The following SHTN1 variants were observed in gnomAD, a reference collection of about 807,000 sequenced individuals.
The protein encoded by SHTN1 is shootin-1.
SHTN1 carries 42 observed loss-of-function variants against 83.1 expected under a neutral mutation model. The observed-to-expected ratio is 0.51, with a 90% CI of 0.39 to 0.65. SHTN1 has a LOEUF of 0.65. SHTN1 is among the 30% of genes least tolerant of loss of function. SHTN1 has a pLI of 0.00. For synonymous variants in SHTN1, 224 were observed against 247.7 expected, an observed-to-expected ratio of 0.90 and a Z score of 0.90; for missense variants, 622 against 737.8, an observed-to-expected ratio of 0.84 and a Z score of 1.82.
chr10:116,888,015 G>A (rs1847218750), intron 16 of SHTN1, among the ~76,000 whole-genome samples: 3 of 152,170 alleles, frequency 2.0e-5, no homozygotes, highest in Non-Finnish European at 1.5e-5. Context: ...TGTAAGATCT[G>A]TCCAAATGTT....
At chr10:117,064,742 G>A (rs1046873533) in intron 1 of SHTN1, among the ~76,000 whole-genome samples, 9 of 151,562 alleles carry the variant, frequency 5.9e-5, no homozygotes, top group Admixed American at 5.9e-4. Context: ...CACCATTATT[G>A]CCCAAAGTCC....
chr10:116,968,118 G>A (rs1405164188), intron 3 of SHTN1, among the ~76,000 whole-genome samples: 6 of 152,152 alleles, frequency 3.9e-5, no homozygotes, highest in African/African-American at 1.2e-4. Context: ...GGAGGTGGAG[G>A]TTGCAGTAAG....
At chr10:117,006,779 C>T (rs1187845156), upstream of SHTN1, among the ~76,000 whole-genome samples, 1 of 151,894 alleles carries the variant, frequency 6.6e-6, no homozygotes, top group Non-Finnish European at 1.5e-5. Context: ...TCCTCAATTG[C>T]TGTTTTATGG....
Position 116,886,151 on chromosome 10 carries a change from C to A in SHTN1, c.*193G>T. 1 of 761,420 alleles carries A rather than the reference C, an allele frequency of 1.3e-6. No homozygotes were observed. Among genetic ancestry groups the A allele is most frequent in the Non-Finnish European group, 2.0e-6 (1 of 492,328 alleles). The allele number at this position is 761,420 out of a possible 1,614,324, so 47.2% of individuals were successfully genotyped here. The stretch of plus-strand genomic sequence containing the variant: ...ATAAAGATCAAAAAACCAAAACCTA[C>A]TAGGAATGTGTGTTTTGCTAAACAG... On this transcript the variant is annotated 3_prime_UTR_variant, in exon 17 of 17. Coordinates refer to ENST00000355371, the MANE Select transcript of SHTN1 (RefSeq NM_001127211.3).
chr10:116,954,224 TA>T lies in SHTN1; in HGVS notation c.268-15del. ...TTCTTTATTTAGCTAAGACAAAATA[TA>T]AAAACAGTTATTTTAAAAGCAGCCA... On this transcript the variant is annotated splice_polypyrimidine_tract_variant and intron_variant, in intron 4 of 16. Transcript: ENST00000355371. 6.5e-7 allele frequency: 1 copy of T among 1,546,176 alleles called. No individual in the cohort carries two copies. Among genetic ancestry groups the T allele is most frequent in the Non-Finnish European group, 8.8e-7 (1 of 1,139,646 alleles).
chr10:116,977,645 T>C (rs1250899943), intron 2 of SHTN1, among the ~76,000 whole-genome samples: 2 of 142,884 alleles, frequency 1.4e-5, no homozygotes, highest in Admixed American at 7.5e-5. Flanking sequence ...ACTACTATTT[T>C]CAGTGACTTT....
At chr10:117,061,258 T>C (rs1047589564) in intron 1 of SHTN1, among the ~76,000 whole-genome samples, 4 of 150,964 alleles carry the variant, frequency 2.6e-5, no homozygotes, top group African/African-American at 9.8e-5. Context: ...GCAATTCTCC[T>C]GCCTCAGCCT....
chr10:117,065,727 TGAA>T lies in SHTN1; in HGVS notation c.-188-17220_-188-17218del, dbSNP rs1852969591. On this transcript the variant is annotated intron_variant, in intron 1 of 17. Coordinates refer to the SHTN1 transcript ENST00000392901. Reference sequence around the variant, plus strand: ...AGCGAGAGAGAGAGAGAGAGAGAGATGAAAGAAAGAAAGAAAGAAAGAAAGAAA... The same window carrying T: ...AGCGAGAGAGAGAGAGAGAGAGAGATAGAAAGAAAGAAAGAAAGAAAGAAA... Among the ~76,000 whole-genome samples, 9 of 12,010 alleles carry T rather than the reference TGAA, an allele frequency of 7.5e-4. No homozygotes were observed. In the East Asian group the frequency reaches 0.013, roughly 17 times the overall value. 7.9% of individuals were successfully genotyped at this position (12,010 alleles called of 152,430 possible).
At chr10:117,070,002 C>T (rs1490975802) in intron 1 of SHTN1, among the ~76,000 whole-genome samples, 1 of 151,828 alleles carries the variant, frequency 6.6e-6, no homozygotes, top group Non-Finnish European at 1.5e-5. Context: ...TAGCAAGGAA[C>T]TACGATGATA....
intron 1 of SHTN1, among the ~76,000 whole-genome samples, chr10:117,084,249 G>C (rs1375274874): frequency 6.6e-6 from 1 of 151,976 alleles, no homozygotes; most frequent in Admixed American, 6.6e-5. Context: ...CTGTTTGTTA[G>C]TTTTCCTTCT....
chr10:117,118,259 C>G (rs752828062), intron 1 of SHTN1, among the ~76,000 whole-genome samples: 8 of 150,964 alleles, frequency 5.3e-5, no homozygotes, highest in Non-Finnish European at 1.0e-4. Context: ...ATAGACAGTT[C>G]TCAACAGAAG....
intron 1 of SHTN1, among the ~76,000 whole-genome samples, chr10:117,107,383 T>A (rs1853685525): frequency 6.6e-6 from 1 of 151,960 alleles, no homozygotes; most frequent in South Asian, 2.1e-4. Context: ...TTTCTGTACA[T>A]CTCCCCCTGA....
intron 2 of SHTN1, among the ~76,000 whole-genome samples, chr10:117,039,593 G>A (rs1467324053): frequency 6.6e-6 from 1 of 152,014 alleles, no homozygotes; most frequent in Non-Finnish European, 1.5e-5. Context: ...AGTGGCTCAC[G>A]CCTATAATCC....
chr10:117,076,623 T>C (rs187875303), intron 1 of SHTN1, among the ~76,000 whole-genome samples: 160 of 152,366 alleles, frequency 1.1e-3, no homozygotes, highest in African/African-American at 3.1e-3. Context: ...CTGGATAGGA[T>C]GGATGAAAGT....
At chr10:116,964,549 A>G (rs539214886) in intron 3 of SHTN1, among the ~76,000 whole-genome samples, 1 of 152,264 alleles carries the variant, frequency 6.6e-6, no homozygotes, top group Non-Finnish European at 1.5e-5. Context: ...TGTGGTGAAC[A>G]TATCACAAAT....
chr10:117,040,259 C>G (rs1015283963), intron 2 of SHTN1, among the ~76,000 whole-genome samples: 2 of 152,038 alleles, frequency 1.3e-5, no homozygotes, highest in Non-Finnish European at 2.9e-5. Flanking sequence ...GGAGGACTTA[C>G]ATTACCTGAT....
chr10:117,031,246 T>C (rs981892608), intron 2 of SHTN1, among the ~76,000 whole-genome samples: 7 of 152,188 alleles, frequency 4.6e-5, no homozygotes, highest in African/African-American at 1.2e-4. Flanking sequence ...GAGAATAGTA[T>C]ATCCAGTAAA....
In SHTN1 at chr10:116,882,938, A is replaced by G. The variant is rs1392045851; in HGVS notation, c.*3406T>C. ...AATTCATTTGAAAGGCAGAACAAAC[A>G]TGACTGGGTGTTCACATACCCTTTG... is the stretch of plus-strand genomic sequence containing the variant. On this transcript the variant is annotated 3_prime_UTR_variant, in exon 17 of 17. Coordinates refer to ENST00000355371, the MANE Select transcript of SHTN1 (RefSeq NM_001127211.3). The G allele has an allele frequency of 6.6e-6, 1 of 151,664 alleles. No homozygotes were observed. The highest frequency in any genetic ancestry group is 1.5e-5 in the Non-Finnish European group (1 of 67,970). 9.4% of individuals were successfully genotyped at this position (151,664 alleles called of 1,614,324 possible).
chr10:116,970,138 G>GA (rs1170157428), intron 2 of SHTN1, among the ~76,000 whole-genome samples: 1 of 152,008 alleles, frequency 6.6e-6, no homozygotes, highest in Non-Finnish European at 1.5e-5. Flanking sequence ...GGCAAAAACT[G>GA]AAAAAATCTG....
Sources: gnomAD v4.1 joint callset for allele counts (sites outside exome capture counted in the v4.1 genomes callset) on GRCh38, gnomAD v4.1.1 for gene constraint, MANE v1.5 for transcripts, NCBI Gene and HGNC (gene_info 2026-07-23, HGNC 2026-07-21) for gene names.